BMPER: variants seen among roughly 807,000 people sequenced by gnomAD.
BMPER encodes BMP binding endothelial regulator.
In BMPER, 45 loss-of-function variants were observed where a neutral mutation model predicts 87.3. That is an observed-to-expected ratio of 0.52 (90% confidence interval 0.41 to 0.66). BMPER has a LOEUF of 0.66. BMPER is among the 30% of genes least tolerant of loss of function. The pLI is 0.00. For synonymous variants in BMPER, 326 were observed against 316.2 expected (o/e 1.03, Z -0.33); for missense variants, 784 against 867.5 (o/e 0.90, Z 1.21).
At position 33,986,145 on chromosome 7, in the gene BMPER, G is replaced by A. The variant is rs1786006443; in HGVS notation, c.576+11361G>A. ...ATATTGATATGACTCATTCTTTTGA[G>A]TTTCTATAGTGCTTCCTCTCATACT... On this transcript the variant is annotated intron_variant, in intron 6 of 14. Coordinates refer to ENST00000649409, the MANE Select transcript of BMPER (RefSeq NM_001365308.1). Among the ~76,000 whole-genome samples, 3 of 152,104 alleles carry A rather than the reference G, an allele frequency of 2.0e-5. No individual in the cohort carries two copies. In the South Asian group the frequency reaches 6.2e-4, roughly 32 times the overall value.
At position 34,153,563 on chromosome 7, in the gene BMPER, A is replaced by G; in HGVS notation, c.*290A>G. ...TACACCAGGTGTTTTTAATTTAATA[A>G]GGTGGCATGCAGATACATTGGATAG... On this transcript the variant is annotated 3_prime_UTR_variant, in exon 15 of 15. Transcript: ENST00000649409. The G allele has an allele frequency of 2.9e-6, 1 of 348,056 alleles. No homozygotes were observed. The highest frequency in any genetic ancestry group is 5.4e-6 in the Non-Finnish European group (1 of 185,612). The allele number at this position is 348,056 out of a possible 1,614,324, so 21.6% of individuals were successfully genotyped here.
intron 7 of BMPER, among the ~76,000 whole-genome samples, chr7:34,047,820 T>TTCCTTCC (rs1562709450): frequency 3.0e-5 from 4 of 134,332 alleles, no homozygotes; most frequent in Non-Finnish European, 4.9e-5. Flanking sequence ...TCTTCCTCAC[T>TTCCTTCC]TTCCTACTTT....
chr7:34,137,953 T>A (rs989095994), intron 13 of BMPER, among the ~76,000 whole-genome samples: 29 of 152,084 alleles, frequency 1.9e-4, no homozygotes, highest in African/African-American at 6.8e-4. Context: ...AGGACAGAAA[T>A]GGATTCCCTG....
chr7:33,928,000 G>A (rs188084683), intron 2 of BMPER, among the ~76,000 whole-genome samples: 3 of 152,298 alleles, frequency 2.0e-5, no homozygotes, highest in Admixed American at 1.3e-4. Context: ...TGAGGAAGCA[G>A]CCTGGCCTCC....
chr7:34,059,568 C>G (rs1277268265), intron 10 of BMPER, among the ~76,000 whole-genome samples: 3 of 149,940 alleles, frequency 2.0e-5, no homozygotes, highest in Admixed American at 6.6e-5. Flanking sequence ...TGCCAAGGCC[C>G]CGGCCTCAGG....
At chr7:33,950,545 T>C (rs1784993585) in intron 3 of BMPER, among the ~76,000 whole-genome samples, 1 of 152,172 alleles carries the variant, frequency 6.6e-6, no homozygotes, top group African/African-American at 2.4e-5. Context: ...CTCACGTGGC[T>C]GTCGGCAGAA....
At chr7:33,941,361 G>A (rs925248890) in intron 3 of BMPER, among the ~76,000 whole-genome samples, 1 of 151,368 alleles carries the variant, frequency 6.6e-6, no homozygotes, top group Non-Finnish European at 1.5e-5. Context: ...TCAGGGACCA[G>A]TTTCATGGAA....
At chr7:34,103,984 C>T (rs764823137) in intron 13 of BMPER, among the ~76,000 whole-genome samples, 1 of 152,218 alleles carries the variant, frequency 6.6e-6, no homozygotes, top group Non-Finnish European at 1.5e-5. Flanking sequence ...TGTCATCTGA[C>T]AATAACTTAT....
intron 3 of BMPER, among the ~76,000 whole-genome samples, chr7:33,951,814 T>A (rs1044894600): frequency 2.0e-5 from 3 of 152,204 alleles, no homozygotes; most frequent in African/African-American, 7.2e-5. Flanking sequence ...ATTAAATGTT[T>A]GCAACTGTTC....
In BMPER at chr7:34,017,032, G is replaced by A. The variant is rs374407681; in HGVS notation, c.577-29274G>A. ...TGAAGCATGGCCTCTTTAGAAACTG[G>A]AACCAGGAATTGGAAAATTGTCAGC... is the stretch of plus-strand genomic sequence containing the variant. On this transcript the variant is annotated intron_variant, in intron 6 of 14. Transcript: ENST00000649409. Among the ~76,000 whole-genome samples, 13 of 152,014 alleles carry A rather than the reference G, an allele frequency of 8.6e-5. No individual in the cohort carries two copies. The South Asian group carries it at 1.0e-3, about 12-fold the overall frequency.
intron 13 of BMPER, among the ~76,000 whole-genome samples, chr7:34,134,388 G>A (rs1165194293): frequency 2.0e-5 from 3 of 152,112 alleles, no homozygotes; most frequent in African/African-American, 7.2e-5. Flanking sequence ...GAGGGGGGTC[G>A]TGACCAAGCT....
intron 7 of BMPER, among the ~76,000 whole-genome samples, 163 bp from the exon 8 acceptor site, chr7:34,051,697 TC>T (rs1008072409): frequency 1.3e-5 from 2 of 152,170 alleles, no homozygotes; most frequent in Non-Finnish European, 2.9e-5. Context: ...AACTAATGAC[TC>T]CTGGGGATCC....
intron 3 of BMPER, among the ~76,000 whole-genome samples, chr7:33,942,135 C>A (rs1784784071): frequency 6.6e-6 from 1 of 151,632 alleles, no homozygotes; most frequent in Non-Finnish European, 1.5e-5. Flanking sequence ...TCAGGTTACC[C>A]TTGAATATTG....
At chr7:33,998,660 C>A (rs769958045) in intron 6 of BMPER, among the ~76,000 whole-genome samples, 1 of 152,176 alleles carries the variant, frequency 6.6e-6, no homozygotes, top group Non-Finnish European at 1.5e-5. Context: ...AACAAGAACA[C>A]AGGGTCAAGG....
At chr7:34,015,883 CAT>C (rs1189712444) in intron 6 of BMPER, among the ~76,000 whole-genome samples, 2 of 151,762 alleles carry the variant, frequency 1.3e-5, no homozygotes, top group Non-Finnish European at 2.9e-5. Context: ...TGAAAAATAA[CAT>C]ATGTTTTAGG....
At chr7:34,055,338 A>G (rs1171442100) in intron 9 of BMPER, 35 bp downstream of exon 9, 10 of 1,612,874 alleles carry the variant, frequency 6.2e-6, no homozygotes, top group South Asian at 1.1e-5. Context: ...GAACTCCTGT[A>G]TTACTACGCT....
chr7:34,110,310 A>G (rs10253869), intron 13 of BMPER, among the ~76,000 whole-genome samples: 90,715 of 152,040 alleles, frequency 0.6, 27,514 homozygotes, highest in East Asian at 0.85. Context: ...TTCCCCACTC[A>G]GCTTCTCCCA....
intron 13 of BMPER, among the ~76,000 whole-genome samples, chr7:34,130,057 T>A (rs1403928649): frequency 1.3e-5 from 2 of 152,142 alleles, no homozygotes; most frequent in Non-Finnish European, 2.9e-5. Context: ...CTTGACCCCC[T>A]CCTCTCCTGT....
intron 2 of BMPER, among the ~76,000 whole-genome samples, chr7:33,929,339 A>G (rs1462756815): frequency 1.3e-5 from 2 of 152,180 alleles, no homozygotes; most frequent in Non-Finnish European, 2.9e-5. Flanking sequence ...TGCTCAAATC[A>G]AAGAAGAAAT....
Sources: gnomAD v4.1 joint callset for allele counts (sites outside exome capture counted in the v4.1 genomes callset) on GRCh38, gnomAD v4.1.1 for gene constraint, MANE v1.5 for transcripts, NCBI Gene and HGNC (gene_info 2026-07-23, HGNC 2026-07-21) for gene names.